Variants in SNX14 observed in about 807,000 individuals in gnomAD.
SNX14 encodes sorting nexin 14.
SNX14 carries 93 observed loss-of-function variants against 133.8 expected under a neutral mutation model. The observed-to-expected ratio is 0.70, with a 90% CI of 0.59 to 0.83. The LOEUF is 0.83. Ranked by LOEUF, SNX14 falls within the 40% of genes least tolerant of loss-of-function variation. The probability of loss-of-function intolerance (pLI) is 0.00; values close to 1 mark genes in which losing one functional copy is unlikely to be tolerated. For missense variants in SNX14, 945 were observed against 1,094.9 expected, an observed-to-expected ratio of 0.86 and a Z score of 1.93; for synonymous variants, 368 against 365.6, an observed-to-expected ratio of 1.01 and a Z score of -0.07.
intron 20 of SNX14, 138 bp downstream of exon 20, chr6:85,528,124 A>ATT (rs1487465128): frequency 3.8e-6 from 2 of 526,888 alleles, no homozygotes; most frequent in Non-Finnish European, 6.3e-6. Flanking sequence ...TAAAATTCAC[A>ATT]AGGAAAAATA....
intron 23 of SNX14, among the ~76,000 whole-genome samples, chr6:85,516,740 C>T (rs1388605737): frequency 2.7e-5 from 4 of 150,006 alleles, no homozygotes; most frequent in Non-Finnish European, 2.9e-5. Context: ...CAGGTTCAAG[C>T]GACTCTCCTG....
chr6:85,535,149 A>C (rs1196525748), intron 17 of SNX14, among the ~76,000 whole-genome samples: 1 of 151,200 alleles, frequency 6.6e-6, no homozygotes, highest in African/African-American at 2.4e-5. Flanking sequence ...CCAAGTAGCT[A>C]CGACTACAGT....
intron 1 of SNX14, 53 bp downstream of exon 1, chr6:85,593,526 C>T (rs1477427959): frequency 1.3e-6 from 2 of 1,563,756 alleles, no homozygotes; most frequent in Non-Finnish European, 8.7e-7. Flanking sequence ...ACGGGCCGGG[C>T]GTCTGCACCT....
At chr6:85,516,542 C>CTTTG (rs1775061618) in intron 23 of SNX14, among the ~76,000 whole-genome samples, 1 of 151,190 alleles carries the variant, frequency 6.6e-6, no homozygotes, top group Non-Finnish European at 1.5e-5. Context: ...GCTAATAAAA[C>CTTTG]TTTGATACCA....
chr6:85,507,337 A>G (rs752934939), intron 27 of SNX14, 48 bp from the exon 28 acceptor site: 1 of 1,433,250 alleles, frequency 7.0e-7, no homozygotes, highest in Admixed American at 2.0e-5. Context: ...CACTAAACAC[A>G]AAAACCATAA....
At chr6:85,549,066 C>T (rs959725554) in intron 8 of SNX14, among the ~76,000 whole-genome samples, 4 of 150,652 alleles carry the variant, frequency 2.7e-5, no homozygotes, top group Non-Finnish European at 5.9e-5. Flanking sequence ...ATGTAATTAC[C>T]TTATAATCAT....
At chr6:85,547,472 A>G (rs748718169) in intron 10 of SNX14, 34 bp downstream of exon 10, 3 of 1,604,972 alleles carry the variant, frequency 1.9e-6, no homozygotes, top group South Asian at 2.3e-5. Context: ...ATTCAATGCA[A>G]TCTGAAGTGT....
rs551952961 is a variant in SNX14 at position 85,505,630 on chromosome 6, A to C, written c.*337T>G. ...AATCAGATCTTATTCCTGTTTCTCC[A>C]TACTAGGCATAATTATTTTCAAAGC... On this transcript the variant is annotated 3_prime_UTR_variant, in exon 29 of 29. Transcript: ENST00000314673. The C allele has an allele frequency of 8.7e-5, 20 of 229,342 alleles. No individual in the cohort carries two copies. The highest frequency in any genetic ancestry group is 4.4e-4 in the African/African-American group (19 of 43,086). 14.2% of individuals were successfully genotyped at this position (229,342 alleles called of 1,614,324 possible).
intron 23 of SNX14, 63 bp from the exon 24 acceptor site, chr6:85,514,692 A>G (rs1774197031): frequency 3.9e-6 from 6 of 1,522,356 alleles, no homozygotes; most frequent in Admixed American, 3.4e-5. Flanking sequence ...ACGATAATCA[A>G]TAAGGATTAA....
intron 23 of SNX14, among the ~76,000 whole-genome samples, chr6:85,515,776 T>C (rs1774756325): frequency 6.6e-6 from 1 of 152,090 alleles, no homozygotes; most frequent in Non-Finnish European, 1.5e-5. Flanking sequence ...ATTTTTTTTT[T>C]CACTAAAAAA....
rs971736262 is a variant in SNX14 at position 85,509,223 on chromosome 6, C to A, written c.2654-1164G>T. Among the ~76,000 whole-genome samples, 3 of 152,104 alleles carry A rather than the reference C, an allele frequency of 2.0e-5. No homozygotes were observed. The East Asian group carries it at 5.8e-4, about 29-fold the overall frequency. ...AAAGTGAATGTGGTTTGAATTTGTG[C>A]CTCAGCAAAATAACAAATTACTATA... On this transcript the variant is annotated intron_variant, in intron 26 of 28. Transcript: ENST00000314673.
intron 21 of SNX14, among the ~76,000 whole-genome samples, chr6:85,521,887 G>A (rs1437430775): frequency 2.6e-5 from 4 of 152,126 alleles, no homozygotes; most frequent in Non-Finnish European, 4.4e-5. Context: ...TTACATTTAA[G>A]TCTTTAATCC....
chr6:85,556,919 A>T (rs918795867), intron 7 of SNX14, among the ~76,000 whole-genome samples: 1 of 152,188 alleles, frequency 6.6e-6, no homozygotes, highest in African/African-American at 2.4e-5. Flanking sequence ...AAATCTACCT[A>T]TAGCATAATT....
intron 7 of SNX14, among the ~76,000 whole-genome samples, chr6:85,553,597 A>C (rs927227132): frequency 1.1e-4 from 16 of 152,276 alleles, no homozygotes; most frequent in African/African-American, 3.6e-4. Flanking sequence ...ATCCTGGCTA[A>C]CACGGTGAAA....
intron 21 of SNX14, among the ~76,000 whole-genome samples, chr6:85,523,304 A>G (rs1777485533): frequency 6.6e-6 from 1 of 152,222 alleles, no homozygotes; most frequent in Non-Finnish European, 1.5e-5. Flanking sequence ...GCTATGTTAC[A>G]TAAGATAAAC....
chr6:85,520,972 G>T (rs1776674842), intron 21 of SNX14, among the ~76,000 whole-genome samples: 1 of 152,162 alleles, frequency 6.6e-6, no homozygotes, highest in African/African-American at 2.4e-5. Context: ...TCTGAGAGAG[G>T]AACTGCTGGG....
At chr6:85,566,352 A>G (rs1024349702) in intron 5 of SNX14, among the ~76,000 whole-genome samples, 2 of 152,130 alleles carry the variant, frequency 1.3e-5, no homozygotes, top group Non-Finnish European at 2.9e-5. Context: ...ACGATATTAA[A>G]TTTGTCTTAA....
Position 85,593,792 on chromosome 6 carries a change from C to T in SNX14, c.-74G>A. ...AAGGCGACCCCCCATCCACACCTCG[C>T]GTCCCCGCCCCACCGACTTGGCGGC... On this transcript the variant is annotated 5_prime_UTR_variant, in exon 1 of 29. Transcript: ENST00000314673. 3 of 1,588,820 alleles carry T rather than the reference C, an allele frequency of 1.9e-6. No individual in the cohort carries two copies. Among genetic ancestry groups the T allele is most frequent in the South Asian group, 2.2e-5 (2 of 89,304 alleles).
chr6:85,559,340 A>G (rs1790792515), intron 6 of SNX14, among the ~76,000 whole-genome samples: 1 of 152,228 alleles, frequency 6.6e-6, no homozygotes, highest in African/African-American at 2.4e-5. Flanking sequence ...AAGATGTTAT[A>G]GTTTTCAAAC....
Sources: gnomAD v4.1 joint callset for allele counts (sites outside exome capture counted in the v4.1 genomes callset) on GRCh38, gnomAD v4.1.1 for gene constraint, MANE v1.5 for transcripts, NCBI Gene and HGNC (gene_info 2026-07-23, HGNC 2026-07-21) for gene names.